Variants in MRPS28 observed in about 807,000 individuals in gnomAD.
MRPS28 encodes mitochondrial ribosomal protein S28.
A neutral mutation model predicts 10.8 loss-of-function variants in MRPS28; 7 were observed. The observed-to-expected ratio is 0.65, with a 90% CI of 0.37 to 1.22. The LOEUF (loss-of-function observed/expected upper bound fraction) is 1.22. MRPS28 is among the 50% of genes most tolerant of loss of function. MRPS28 has a pLI of 0.02. For missense variants in MRPS28, 265 were observed against 232.9 expected, an observed-to-expected ratio of 1.14 and a Z score of -0.90; for synonymous variants, 121 against 93.3, an observed-to-expected ratio of 1.30 and a Z score of -1.71.
In MRPS28 at chr8:80,003,120, T is replaced by G. The variant is rs1350206792; in HGVS notation, c.274A>C (p.Met92Leu). ...ACCAGTTTATCCTTTGCAGGTCCCA[T>G]CTGTGTAAGAGGAGAATGTCTCAGC... ...SMLRHSPLTQ[M>L]GPAKDKLVIG... Residue 92 changes from methionine (M) to leucine (L), a missense_variant, in exon 2 of 3, where the codon ATG becomes CTG. By Grantham distance (15) the Met-to-Leu change is conservative. Transcript: ENST00000276585. 15 of 1,612,978 alleles carry G rather than the reference T, an allele frequency of 9.3e-6. No individual in the cohort carries two copies. Among genetic ancestry groups the G allele is most frequent in the Non-Finnish European group, 1.3e-5 (15 of 1,179,714 alleles).
intron 2 of MRPS28, among the ~76,000 whole-genome samples, chr8:79,991,940 CT>C: frequency 1.4e-5 from 2 of 145,670 alleles, no homozygotes; most frequent in African/African-American, 2.5e-5. Context: ...CTCTCTCTCT[CT>C]CTCTCTCTCT....
intron 1 of MRPS28, among the ~76,000 whole-genome samples, chr8:80,006,986 C>T (rs184159297): frequency 0.013 from 2,003 of 152,258 alleles, 62 homozygotes; most frequent in African/African-American, 0.044. Context: ...AATTTTAGAC[C>T]AATATCCTTG....
intron 2 of MRPS28, among the ~76,000 whole-genome samples, chr8:79,959,219 T>C (rs528381310): frequency 1.1e-4 from 16 of 152,192 alleles, no homozygotes; most frequent in African/African-American, 3.1e-4. Context: ...AATACTGTTA[T>C]TAATATTCTT....
chr8:79,921,690 A>G (rs530487630), intron 2 of MRPS28, among the ~76,000 whole-genome samples: 5 of 152,000 alleles, frequency 3.3e-5, no homozygotes, highest in African/African-American at 4.8e-5. Context: ...GGGCTGAGAC[A>G]ATGGGGTTTT....
intron 2 of MRPS28, among the ~76,000 whole-genome samples, chr8:79,948,688 A>C (rs1272530586): frequency 6.6e-6 from 1 of 152,164 alleles, no homozygotes; most frequent in East Asian, 1.9e-4. Context: ...ATGAACACTG[A>C]ATTTTGTTCA....
intron 2 of MRPS28, among the ~76,000 whole-genome samples, chr8:79,921,877 G>A (rs1350124761): frequency 6.6e-6 from 1 of 152,196 alleles, no homozygotes; most frequent in Non-Finnish European, 1.5e-5. Context: ...CAAAGGGAAT[G>A]CTTCCAGTTT....
At chr8:79,979,770 A>C (rs1563532009) in intron 2 of MRPS28, among the ~76,000 whole-genome samples, 1 of 151,904 alleles carries the variant, frequency 6.6e-6, no homozygotes, top group East Asian at 1.9e-4. Flanking sequence ...TCCCTTAAAC[A>C]CAGACATGTG....
At chr8:80,025,540 C>G (rs910106062) in intron 1 of MRPS28, among the ~76,000 whole-genome samples, 2 of 152,116 alleles carry the variant, frequency 1.3e-5, no homozygotes, top group Non-Finnish European at 2.9e-5. Context: ...ATAATTAAGG[C>G]CTTCCTACTT....
chr8:79,969,925 C>T (rs1807587591), intron 2 of MRPS28, among the ~76,000 whole-genome samples: 1 of 152,146 alleles, frequency 6.6e-6, no homozygotes, highest in Admixed American at 6.5e-5. Context: ...AGCTCTTCTG[C>T]AGAACACATT....
chr8:79,999,249 C>T (rs1331922456), intron 2 of MRPS28, among the ~76,000 whole-genome samples: 2 of 152,182 alleles, frequency 1.3e-5, no homozygotes, highest in Non-Finnish European at 2.9e-5. Flanking sequence ...AGCTGTTCTA[C>T]CTCGTCATAT....
chr8:79,987,636 C>T (rs1407278675), intron 2 of MRPS28, among the ~76,000 whole-genome samples: 1 of 152,194 alleles, frequency 6.6e-6, no homozygotes, highest in African/African-American at 2.4e-5. Context: ...AGACACTTCT[C>T]AAAGGAAGAC....
intron 2 of MRPS28, among the ~76,000 whole-genome samples, chr8:79,923,689 T>A (rs1046163329): frequency 1.3e-5 from 2 of 152,176 alleles, no homozygotes; most frequent in Non-Finnish European, 2.9e-5. Context: ...GTGTTTTTAC[T>A]GCTTGGTGTG....
intron 2 of MRPS28, among the ~76,000 whole-genome samples, chr8:79,985,133 G>T (rs1454627903): frequency 1.3e-5 from 2 of 152,042 alleles, no homozygotes; most frequent in African/African-American, 2.4e-5. Context: ...ACTCAAAACC[G>T]CTCAACTACA....
chr8:79,998,407 A>C (rs891655028), intron 2 of MRPS28, among the ~76,000 whole-genome samples: 1 of 152,224 alleles, frequency 6.6e-6, no homozygotes, highest in African/African-American at 2.4e-5. Context: ...TGCATGTCTC[A>C]AAATCTCTAA....
At chr8:79,938,265 G>A (rs77620799) in intron 2 of MRPS28, among the ~76,000 whole-genome samples, 1,796 of 151,942 alleles carry the variant, frequency 0.012, 45 homozygotes, top group African/African-American at 0.04. Context: ...GCCACACATC[G>A]TGATTTGCAC....
chr8:79,930,197 T>G (rs1249494698), intron 2 of MRPS28, among the ~76,000 whole-genome samples: 2 of 152,220 alleles, frequency 1.3e-5, no homozygotes, highest in African/African-American at 4.8e-5. Context: ...CCAGCTAAGT[T>G]GTGTTTCAGA....
chr8:79,955,000 GA>G (rs112737257), intron 2 of MRPS28, among the ~76,000 whole-genome samples: 13 of 147,084 alleles, frequency 8.8e-5, no homozygotes, highest in Non-Finnish European at 1.7e-4. Flanking sequence ...ACTCTCTTTA[GA>G]AAAAAAAAAG....
intron 2 of MRPS28, among the ~76,000 whole-genome samples, chr8:79,994,253 A>G (rs936690678): frequency 6.6e-6 from 1 of 152,200 alleles, no homozygotes; most frequent in Admixed American, 6.5e-5. Flanking sequence ...GTTTAACCAC[A>G]GGGATTTTAT....
rs983226650 is a variant in MRPS28, at chr8:79,919,803, AT to A, written c.396-656del. Among the ~76,000 whole-genome samples, 3 of 152,100 alleles carry A rather than the reference AT, an allele frequency of 2.0e-5. No individual in the cohort carries two copies. The East Asian group carries it at 5.8e-4, about 29-fold the overall frequency. On this transcript the variant is annotated intron_variant, in intron 2 of 2. Transcript: ENST00000276585. ...ATTTTCCTTCTAAAATTAAAACTTT[AT>A]TTTTTTATTACACTTTAAGTTTTAG... is the stretch of plus-strand genomic sequence containing the variant.
Sources: allele counts gnomAD v4.1 joint callset (sites outside exome capture counted in the v4.1 genomes callset), GRCh38; gene constraint gnomAD v4.1.1; transcripts MANE v1.5; gene names NCBI Gene and HGNC (gene_info 2026-07-23, HGNC 2026-07-21).